The following DPY19L1 variants were observed in gnomAD, a reference collection of about 807,000 sequenced individuals.
The protein encoded by DPY19L1 is dpy-19 like C-mannosyltransferase 1, also known as protein C-mannosyl-transferase DPY19L1.
Under a neutral mutation model 96.9 loss-of-function variants are expected in DPY19L1, and 35 were observed. That is an observed-to-expected ratio of 0.36 (90% CI 0.28 to 0.48). The LOEUF (loss-of-function observed/expected upper bound fraction) is 0.48, where lower values mean the gene tolerates loss of function less well. Among genes scored for constraint, DPY19L1 ranks in the 20% least tolerant of loss-of-function variants. DPY19L1 has a pLI of 0.99. For missense variants in DPY19L1, 521 were observed against 777.9 expected, an observed-to-expected ratio of 0.67 and a Z score of 3.93; for synonymous variants, 205 against 252.6, an observed-to-expected ratio of 0.81 and a Z score of 1.79.
chr7:34,973,608 GA>G lies in DPY19L1; in HGVS notation c.823-4del, dbSNP rs757785932. 1,134 of 1,370,908 alleles carry G rather than the reference GA, an allele frequency of 8.3e-4. No individual in the cohort carries two copies. The highest frequency in any genetic ancestry group is 2.9e-3 in the South Asian group (149 of 52,022). The allele number at this position is 1,370,908 out of a possible 1,614,324, so 84.9% of individuals were successfully genotyped here. ...GGTGTCCACATTACACGGGTACACT[GA>G]AAAAAAAAATTTGTAGTATAGTATA... On this transcript the variant is annotated splice_region_variant and splice_polypyrimidine_tract_variant and intron_variant, in intron 7 of 21. Transcript: ENST00000638088.
chr7:34,961,587 T>C (rs1011363197), intron 10 of DPY19L1, among the ~76,000 whole-genome samples: 6 of 152,164 alleles, frequency 3.9e-5, no homozygotes, highest in Non-Finnish European at 8.8e-5. Context: ...TTAGGTATGG[T>C]GATGACTTCT....
In DPY19L1 at chr7:34,991,870, A is replaced by C. The variant is rs558664942; in HGVS notation, c.765-1929T>G. 5.3e-5 allele frequency among the ~76,000 whole-genome samples: 8 copies of C among 152,330 alleles called. No homozygotes were observed. In the East Asian group the frequency reaches 1.5e-3, roughly 29 times the overall value. On this transcript the variant is annotated intron_variant, in intron 6 of 21. Coordinates refer to ENST00000638088, the MANE Select transcript of DPY19L1 (RefSeq NM_001366673.1). ...ATTCCTAATCAATGTATGTAAACTTAAAGGGATTATTTTTATAGATGGCAA... is the reference window on the plus strand; with the variant it reads ...ATTCCTAATCAATGTATGTAAACTTCAAGGGATTATTTTTATAGATGGCAA...
At position 35,030,500 on chromosome 7, in the gene DPY19L1, A is replaced by T. The variant is rs139630440; in HGVS notation, c.298+6597T>A. Among the ~76,000 whole-genome samples, 442 of 152,326 alleles carry T rather than the reference A, an allele frequency of 2.9e-3. 9 individuals are homozygous for T. In the East Asian group the frequency reaches 0.047, roughly 16 times the overall value. On this transcript the variant is annotated intron_variant, in intron 1 of 21. Transcript: ENST00000638088. ...AGAACTTCTGTAAGTGGTCTTGGTG[A>T]CAGCTACGCTATTATGTTAACAATT...
chr7:34,930,343 T>C lies in DPY19L1; in HGVS notation c.*1230A>G, dbSNP rs1450296274. 2 of 152,136 alleles carry C rather than the reference T, an allele frequency of 1.3e-5. No individual in the cohort carries two copies. Among genetic ancestry groups the C allele is most frequent in the African/African-American group, 4.8e-5 (2 of 41,416 alleles). 9.4% of individuals were successfully genotyped at this position (152,136 alleles called of 1,614,324 possible). A position where few individuals can be genotyped will look rare whatever the true frequency, so the allele number is the denominator to read the frequency against. On this transcript the variant is annotated 3_prime_UTR_variant, in exon 22 of 22. Coordinates refer to ENST00000638088, the MANE Select transcript of DPY19L1 (RefSeq NM_001366673.1). ...TCATACAAGGAATTCAAAGAAGGTG[T>C]AGAAATTTTTCAAAATAAAAATAAA...
At chr7:35,002,917 C>T (rs1267628011) in intron 6 of DPY19L1, among the ~76,000 whole-genome samples, 22 of 152,086 alleles carry the variant, frequency 1.4e-4, no homozygotes, top group East Asian at 1.2e-3. Context: ...TACAGGTGCC[C>T]GCCACCACGC....
intron 9 of DPY19L1, among the ~76,000 whole-genome samples, chr7:34,969,224 A>G (rs543015804): frequency 1.3e-5 from 2 of 152,326 alleles, no homozygotes; most frequent in Admixed American, 6.5e-5. Flanking sequence ...ATTAACAATC[A>G]TTAATAAATA....
intron 6 of DPY19L1, among the ~76,000 whole-genome samples, chr7:34,992,661 C>T (rs372628853): frequency 6.6e-6 from 1 of 151,968 alleles, no homozygotes; most frequent in African/African-American, 2.4e-5. Flanking sequence ...ATCCTCCTGC[C>T]TCAGCCTCCA....
intron 21 of DPY19L1, among the ~76,000 whole-genome samples, chr7:34,936,209 C>T (rs1783864621): frequency 1.3e-5 from 2 of 152,160 alleles, no homozygotes; most frequent in Non-Finnish European, 2.9e-5. Context: ...TATTGCCATA[C>T]ATCCTGAATT....
chr7:34,981,688 T>C (rs1376447613), intron 7 of DPY19L1, among the ~76,000 whole-genome samples: 8 of 152,204 alleles, frequency 5.3e-5, no homozygotes, highest in Middle Eastern at 3.2e-3. Context: ...TGGTGGCTCA[T>C]GCCTGTAATC....
chr7:34,976,502 A>G (rs1050790680), intron 7 of DPY19L1, among the ~76,000 whole-genome samples: 1 of 152,226 alleles, frequency 6.6e-6, no homozygotes, highest in Non-Finnish European at 1.5e-5. Context: ...GATTTAGAAC[A>G]TGACATAAAC....
At chr7:34,956,291 T>C (rs1009147359) in intron 11 of DPY19L1, among the ~76,000 whole-genome samples, 3 of 151,244 alleles carry the variant, frequency 2.0e-5, no homozygotes, top group African/African-American at 4.8e-5. Context: ...ATGTAAAATA[T>C]ACAACTGAGT....
intron 10 of DPY19L1, among the ~76,000 whole-genome samples, chr7:34,959,860 T>C (rs1231448396): frequency 6.8e-6 from 1 of 146,604 alleles, no homozygotes; most frequent in East Asian, 2.0e-4. Context: ...ACTTAAAGTA[T>C]ATATATATAT....
intron 1 of DPY19L1, among the ~76,000 whole-genome samples, chr7:35,027,557 C>G (rs982333565): frequency 1.3e-5 from 2 of 151,568 alleles, no homozygotes; most frequent in African/African-American, 4.9e-5. Flanking sequence ...AGGCCGGGCT[C>G]CATGGCTCAC....
intron 10 of DPY19L1, among the ~76,000 whole-genome samples, chr7:34,960,648 G>A (rs1279625560): frequency 6.6e-6 from 1 of 152,108 alleles, no homozygotes. Flanking sequence ...AATGAGAGAG[G>A]CAGTAGGCAT....
chr7:34,979,520 G>A (rs73691603), intron 7 of DPY19L1, among the ~76,000 whole-genome samples: 29,818 of 151,950 alleles, frequency 0.2, 3,302 homozygotes, highest in Admixed American at 0.35. Flanking sequence ...TATACTCTTA[G>A]GAGAAAAATA....
chr7:34,997,436 C>CAAAAAAAAAA (rs397836742), intron 6 of DPY19L1, among the ~76,000 whole-genome samples: 262 of 91,344 alleles, frequency 2.9e-3, no homozygotes, highest in Non-Finnish European at 3.2e-3. Flanking sequence ...ACTAAAAATA[C>CAAAAAAAAAA]AAAAAAAAAA....
chr7:35,005,470 G>T (rs1262308551), intron 6 of DPY19L1, among the ~76,000 whole-genome samples: 1 of 151,422 alleles, frequency 6.6e-6, no homozygotes, highest in Non-Finnish European at 1.5e-5. Flanking sequence ...GAGACTAGAT[G>T]GGGGTAGCAA....
intron 7 of DPY19L1, 23 bp downstream of exon 7, chr7:34,989,861 G>A (rs1345986208): frequency 6.4e-7 from 1 of 1,566,810 alleles, no homozygotes; most frequent in Non-Finnish European, 8.6e-7. Context: ...AAGTAATTCT[G>A]AGAATAGTTT....
upstream of DPY19L1, chr7:35,037,852 A>T: frequency 2.4e-6 from 3 of 1,234,258 alleles, no homozygotes; most frequent in Non-Finnish European, 1.0e-6. Flanking sequence ...GGCCGGTGCG[A>T]GGACGCGGGG....
Sources: allele counts gnomAD v4.1 joint callset (sites outside exome capture counted in the v4.1 genomes callset), GRCh38; gene constraint gnomAD v4.1.1; transcripts MANE v1.5; gene names NCBI Gene and HGNC (gene_info 2026-07-23, HGNC 2026-07-21).